Variants in SLC24A2 observed in about 807,000 individuals in gnomAD.
SLC24A2 encodes solute carrier family 24 member 2, also known as sodium/potassium/calcium exchanger 2.
A neutral mutation model predicts 62.0 loss-of-function variants in SLC24A2; 36 were observed. The observed-to-expected ratio is 0.58, with a 90% CI of 0.44 to 0.77. SLC24A2 has a LOEUF of 0.77. Ranked by LOEUF, SLC24A2 falls within the 30% of genes least tolerant of loss-of-function variation. The pLI is 0.00. For synonymous variants in SLC24A2, 358 were observed against 294.0 expected, an observed-to-expected ratio of 1.22 and a Z score of -2.23; for missense variants, 846 against 817.9, an observed-to-expected ratio of 1.03 and a Z score of -0.42.
chr9:19,654,186 G>T (rs1159673434), intron 2 of SLC24A2, among the ~76,000 whole-genome samples: 2 of 152,034 alleles, frequency 1.3e-5, no homozygotes, highest in Admixed American at 6.6e-5. Context: ...GAATGTAGTG[G>T]AATCATATAG....
chr9:19,895,843 G>C, the SLC24A2 span: 1 of 1,608,660 alleles, frequency 6.2e-7, no homozygotes, highest in Non-Finnish European at 8.5e-7. Flanking sequence ...CTCCTCAGGG[G>C]TCAGGCCAGC....
chr9:19,788,291 A>T (rs1180124075), intron 1 of SLC24A2, among the ~76,000 whole-genome samples: 1 of 152,174 alleles, frequency 6.6e-6, no homozygotes, highest in East Asian at 1.9e-4. Context: ...GATTCACAGC[A>T]CTCAGGGGAT....
chr9:20,190,097 T>C, the SLC24A2 span, among the ~76,000 whole-genome samples: 1 of 152,280 alleles, frequency 6.6e-6, no homozygotes, highest in East Asian at 1.9e-4. Flanking sequence ...TTTGCATTGG[T>C]TCATAGCTGT....
Position 19,699,258 on chromosome 9 carries a change from T to C in SLC24A2, c.931-76959A>G, listed in dbSNP as rs1820286967. Among the ~76,000 whole-genome samples, 3 of 152,158 alleles carry C rather than the reference T, an allele frequency of 2.0e-5. No homozygotes were observed. In the South Asian group the frequency reaches 6.2e-4, roughly 32 times the overall value. On this transcript the variant is annotated intron_variant, in intron 2 of 10. Coordinates refer to ENST00000341998, the MANE Select transcript of SLC24A2 (RefSeq NM_020344.4). ...GGCAAAGTAAACATGGGAAAACATA[T>C]TCAGTGTGGCTGTAATCTGTAAAAT...
At chr9:20,205,774 A>C in the SLC24A2 span, among the ~76,000 whole-genome samples, 1 of 152,176 alleles carries the variant, frequency 6.6e-6, no homozygotes, top group Non-Finnish European at 1.5e-5. Flanking sequence ...AAAGAAAACA[A>C]CTGACACTAT....
At chr9:19,854,496 C>G in the SLC24A2 span, among the ~76,000 whole-genome samples, 1 of 152,174 alleles carries the variant, frequency 6.6e-6, no homozygotes, top group Non-Finnish European at 1.5e-5. Flanking sequence ...TACATTGTCT[C>G]TTTGTTCTCA....
the SLC24A2 span, among the ~76,000 whole-genome samples, chr9:20,153,505 G>A: frequency 6.6e-6 from 1 of 151,712 alleles, no homozygotes; most frequent in South Asian, 2.1e-4. Flanking sequence ...TCTGACCTAG[G>A]TACCTCATCT....
chr9:19,555,143 C>G (rs1281567767), intron 7 of SLC24A2, among the ~76,000 whole-genome samples: 2 of 151,988 alleles, frequency 1.3e-5, no homozygotes, highest in African/African-American at 4.8e-5. Flanking sequence ...TTCTTTCTCA[C>G]AGGGATAATC....
chr9:20,126,804 C>A, the SLC24A2 span, among the ~76,000 whole-genome samples: 2 of 152,108 alleles, frequency 1.3e-5, 1 homozygote, highest in South Asian at 4.1e-4. Flanking sequence ...TAGGCAGGAA[C>A]AGAATGTGTG....
At chr9:19,719,110 G>T (rs1352236951) in intron 2 of SLC24A2, among the ~76,000 whole-genome samples, 2 of 152,144 alleles carry the variant, frequency 1.3e-5, no homozygotes, top group African/African-American at 4.8e-5. Flanking sequence ...TCTTCCTTCT[G>T]GGTATAAACT....
chr9:19,618,214 G>A (rs1274522798), intron 4 of SLC24A2, among the ~76,000 whole-genome samples: 1 of 152,208 alleles, frequency 6.6e-6, no homozygotes, highest in Admixed American at 6.5e-5. Flanking sequence ...TGGGAGGAAG[G>A]AGTTAAAGCA....
chr9:19,563,892 A>T (rs10964209), intron 7 of SLC24A2, among the ~76,000 whole-genome samples: 11 of 138,918 alleles, frequency 7.9e-5, no homozygotes, highest in Admixed American at 2.9e-4. Flanking sequence ...TCTCCTTTGT[A>T]GCCTAGGCTG....
At chr9:19,520,754 A>C (rs1833157350) in intron 10 of SLC24A2, 140 bp downstream of exon 10, 1 of 788,328 alleles carries the variant, frequency 1.3e-6, no homozygotes, top group Non-Finnish European at 2.2e-6. Context: ...GGGGAAATGC[A>C]ATGGTATTCT....
chr9:19,965,752 G>A, the SLC24A2 span, among the ~76,000 whole-genome samples: 2 of 152,312 alleles, frequency 1.3e-5, no homozygotes, highest in African/African-American at 4.8e-5. Flanking sequence ...ATTTTAGCCA[G>A]TGTTCTGCTA....
chr9:19,700,999 C>T (rs1431845651), intron 2 of SLC24A2, among the ~76,000 whole-genome samples: 11 of 152,116 alleles, frequency 7.2e-5, no homozygotes, highest in Non-Finnish European at 1.3e-4. Flanking sequence ...ATTCTGTATA[C>T]CCAAACTTAA....
At chr9:20,209,378 T>C in the SLC24A2 span, among the ~76,000 whole-genome samples, 4 of 152,218 alleles carry the variant, frequency 2.6e-5, no homozygotes, top group Non-Finnish European at 5.9e-5. Flanking sequence ...ACTTGGTTTT[T>C]TATTTCCCTT....
At chr9:19,710,566 G>C (rs553147870) in intron 2 of SLC24A2, among the ~76,000 whole-genome samples, 1 of 152,250 alleles carries the variant, frequency 6.6e-6, no homozygotes, top group African/African-American at 2.4e-5. Context: ...AAATGTTCAG[G>C]TGCTCAACAA....
intron 2 of SLC24A2, among the ~76,000 whole-genome samples, chr9:19,725,196 A>G (rs2118676224): frequency 6.6e-6 from 1 of 152,318 alleles, no homozygotes; most frequent in East Asian, 1.9e-4. Context: ...AGATACCGCT[A>G]AAGATCCACA....
intron 2 of SLC24A2, among the ~76,000 whole-genome samples, chr9:19,628,187 A>C (rs150717913): frequency 0.013 from 1,920 of 152,284 alleles, 25 homozygotes; most frequent in South Asian, 0.023. Context: ...GGCCTGGGTG[A>C]GTGAGAGCAC....
Sources: gnomAD v4.1 joint callset for allele counts (sites outside exome capture counted in the v4.1 genomes callset) on GRCh38, gnomAD v4.1.1 for gene constraint, MANE v1.5 for transcripts, NCBI Gene and HGNC (gene_info 2026-07-23, HGNC 2026-07-21) for gene names.